Variants in PKP4 observed in about 807,000 individuals in gnomAD.
The protein encoded by PKP4 is plakophilin-4.
PKP4 carries 90 observed loss-of-function variants against 145.1 expected under a neutral mutation model. The observed-to-expected ratio is 0.62, with a 90% CI of 0.52 to 0.74. The LOEUF is 0.74. Among genes scored for constraint, PKP4 ranks in the 30% least tolerant of loss-of-function variants. PKP4 has a pLI of 0.00. For synonymous variants in PKP4, 563 were observed against 577.2 expected (o/e 0.98, Z 0.35); for missense variants, 1,340 against 1,482.7 (o/e 0.90, Z 1.58).
Position 158,666,387 on chromosome 2 carries a change from A to G in PKP4, c.2578-26A>G, listed in dbSNP as rs149805918. The G allele has an allele frequency of 6.5e-6, 10 of 1,546,854 alleles. No individual in the cohort carries two copies. In the Admixed American group the frequency reaches 2.1e-4, roughly 33 times the overall value. ...TGAGACTGGAACTCTGTTTTATGTT[A>G]CTTCCTGCCTTATTTTTCTCACTAG... On this transcript the variant is annotated intron_variant, in intron 15 of 21. Transcript: ENST00000389759.
rs185116179 is a variant in PKP4 at position 158,651,957 on chromosome 2, C to T, written c.1910-6174C>T. Among the ~76,000 whole-genome samples the T allele has an allele frequency of 1.1e-3, 172 of 152,184 alleles. 5 individuals carry two copies. In the South Asian group the frequency reaches 0.017, roughly 15 times the overall value. ...GGTGGTGTAACTGTTTGTGGTAAGGCCCCCCTGAGAACAGATGGCTCCCCT... is the reference window on the plus strand; with the variant it reads ...GGTGGTGTAACTGTTTGTGGTAAGGTCCCCCTGAGAACAGATGGCTCCCCT... On this transcript the variant is annotated intron_variant, in intron 11 of 21. Coordinates refer to ENST00000389759, the MANE Select transcript of PKP4 (RefSeq NM_003628.6).
intron 12 of PKP4, chr2:158,658,628 A>T (rs2056231100): frequency 4.3e-6 from 1 of 231,958 alleles, no homozygotes; most frequent in Non-Finnish European, 8.2e-6. Flanking sequence ...CTGATTGCTA[A>T]TGTGTTTGCA....
rs186019094 is a variant in PKP4, at chr2:158,621,179, C to T, written c.413-52C>T. 3.9e-5 allele frequency: 63 copies of T among 1,612,266 alleles called. No homozygotes were observed. In the South Asian group the frequency reaches 5.2e-4, roughly 13 times the overall value. The stretch of plus-strand genomic sequence containing the variant: ...GCTTTTAAGATTTTATTCTTGAAAG[C>T]GAGTGTCAGAAGTGTGTATAATAAA... On this transcript the variant is annotated intron_variant, in intron 5 of 21. Coordinates refer to ENST00000389759, the MANE Select transcript of PKP4 (RefSeq NM_003628.6).
At chr2:158,498,078 T>C (rs1178792633) in intron 1 of PKP4, among the ~76,000 whole-genome samples, 4 of 152,208 alleles carry the variant, frequency 2.6e-5, no homozygotes, top group African/African-American at 9.7e-5. Flanking sequence ...AAAAGGAGAT[T>C]GGATGCCTGC....
In PKP4 at chr2:158,669,878, G is replaced by A; in HGVS notation, c.2887G>A (p.Glu963Lys). Residue 963 changes from glutamate (E) to lysine (K), a missense_variant, in exon 17 of 22, where the codon GAG (glutamate) becomes AAG (lysine). By Grantham distance (56) the Glu-to-Lys change is moderately conservative. Coordinates refer to ENST00000389759, the MANE Select transcript of PKP4 (RefSeq NM_003628.6). The stretch of plus-strand genomic sequence containing the variant: ...AGCCCTGGCCGACTCAGGAGGCATA[G>A]AGAAGCTGGTGAACATAACCAAAGG... Reference protein sequence around the residue: ...AKALADSGGIEKLVNITKGRG... With the variant: ...AKALADSGGIKKLVNITKGRG... 6.2e-7 allele frequency: 1 copy of A among 1,613,558 alleles called. No homozygotes were observed. Among genetic ancestry groups the A allele is most frequent in the Non-Finnish European group, 8.5e-7 (1 of 1,179,648 alleles).
At chr2:158,661,165 G>C (rs2056540205) in intron 12 of PKP4, 168 bp from the exon 13 acceptor site, 1 of 540,310 alleles carries the variant, frequency 1.9e-6, no homozygotes, top group Non-Finnish European at 3.4e-6. Context: ...TGGGGAGCGG[G>C]CCATCATTGT....
At chr2:158,633,243 A>G (rs777338870) in intron 8 of PKP4, among the ~76,000 whole-genome samples, 1 of 152,260 alleles carries the variant, frequency 6.6e-6, no homozygotes, top group Non-Finnish European at 1.5e-5. Flanking sequence ...TTTCCTATAC[A>G]TTCATTCATG....
intron 1 of PKP4, among the ~76,000 whole-genome samples, chr2:158,523,638 C>T (rs1284156318): frequency 7.6e-6 from 1 of 132,368 alleles, no homozygotes; most frequent in Non-Finnish European, 1.6e-5. Flanking sequence ...TGGAGAATGA[C>T]TTTGACGAGC....
At chr2:158,671,252 A>G (rs1364444304) in intron 17 of PKP4, among the ~76,000 whole-genome samples, 2 of 152,228 alleles carry the variant, frequency 1.3e-5, no homozygotes, top group African/African-American at 4.8e-5. Flanking sequence ...TCTAAAATAT[A>G]AGAATAATCT....
At chr2:158,501,940 A>AT (rs1696645670) in intron 1 of PKP4, among the ~76,000 whole-genome samples, 1 of 152,284 alleles carries the variant, frequency 6.6e-6, no homozygotes, top group South Asian at 2.1e-4. Flanking sequence ...GCTTTCCTGA[A>AT]TGTGTGCCTC....
chr2:158,611,625 A>C (rs2051157914), intron 4 of PKP4, among the ~76,000 whole-genome samples: 1 of 152,206 alleles, frequency 6.6e-6, no homozygotes, highest in Admixed American at 6.5e-5. Context: ...TTTATGCCTC[A>C]GTAGAAATGT....
chr2:158,573,564 TTG>T (rs1465107356), intron 2 of PKP4, among the ~76,000 whole-genome samples: 27 of 152,114 alleles, frequency 1.8e-4, no homozygotes, highest in African/African-American at 6.5e-4. Flanking sequence ...CAGAAGTTTA[TTG>T]TGTTATTGTC....
intron 1 of PKP4, among the ~76,000 whole-genome samples, chr2:158,461,405 A>G (rs1689746451): frequency 6.6e-6 from 1 of 152,204 alleles, no homozygotes; most frequent in African/African-American, 2.4e-5. Context: ...AGTCTTGATA[A>G]CATTATAGTT....
chr2:158,508,239 C>T (rs2041174206), intron 1 of PKP4, among the ~76,000 whole-genome samples: 1 of 151,468 alleles, frequency 6.6e-6, no homozygotes, highest in Admixed American at 6.6e-5. Context: ...GTGGCAGGCA[C>T]CTGTAATCCC....
intron 4 of PKP4, among the ~76,000 whole-genome samples, chr2:158,609,701 A>G (rs2050964506): frequency 6.6e-6 from 1 of 152,170 alleles, no homozygotes; most frequent in Non-Finnish European, 1.5e-5. Context: ...CAGCCTTTGA[A>G]TTGGATTTTT....
chr2:158,488,799 T>C lies in PKP4; in HGVS notation c.-6+31581T>C, dbSNP rs560402157. On this transcript the variant is annotated intron_variant, in intron 1 of 21. Transcript: ENST00000389759. Reference sequence around the variant, plus strand: ...GTTACCAAGGATTATCAGTGATTGTTGATAGTGTTCAGGAAAAAGAGCTTA... The same window carrying C: ...GTTACCAAGGATTATCAGTGATTGTCGATAGTGTTCAGGAAAAAGAGCTTA... Among the ~76,000 whole-genome samples the C allele has an allele frequency of 5.9e-5, 9 of 152,320 alleles. No homozygotes were observed. The East Asian group carries it at 1.7e-3, about 29-fold the overall frequency.
intron 2 of PKP4, among the ~76,000 whole-genome samples, chr2:158,553,736 A>G (rs569794696): frequency 1.6e-4 from 24 of 152,182 alleles, no homozygotes; most frequent in Non-Finnish European, 3.2e-4. Context: ...GAGTGTCATA[A>G]CTATTATCCT....
chr2:158,611,215 A>G (rs1411080357), intron 4 of PKP4, among the ~76,000 whole-genome samples: 2 of 152,238 alleles, frequency 1.3e-5, no homozygotes, highest in Non-Finnish European at 2.9e-5. Flanking sequence ...TAGGAAGTTT[A>G]AAACTGATTC....
rs545873810 is a variant in PKP4, at chr2:158,521,013, C to G, written c.-5-12167C>G. 1.2e-4 allele frequency among the ~76,000 whole-genome samples: 18 copies of G among 152,264 alleles called. No individual in the cohort carries two copies. In the South Asian group the frequency reaches 3.3e-3, roughly 28 times the overall value. Reference sequence around the variant, plus strand: ...AATAGTCACTTGAGTTGTTAGCAACCTATCGCCTTCACAAAGAGTGCTGCC... The same window carrying G: ...AATAGTCACTTGAGTTGTTAGCAACGTATCGCCTTCACAAAGAGTGCTGCC... On this transcript the variant is annotated intron_variant, in intron 1 of 21. Coordinates refer to ENST00000389759, the MANE Select transcript of PKP4 (RefSeq NM_003628.6).
Sources: allele counts gnomAD v4.1 joint callset (sites outside exome capture counted in the v4.1 genomes callset), GRCh38; gene constraint gnomAD v4.1.1; transcripts MANE v1.5; gene names NCBI Gene and HGNC (gene_info 2026-07-23, HGNC 2026-07-21).